The following TNFSF4 variants were observed in gnomAD, a reference collection of about 807,000 sequenced individuals.
TNFSF4 encodes the protein TNF superfamily member 4.
A neutral mutation model predicts 7.3 loss-of-function variants in TNFSF4; 4 were observed. The ratio of observed to expected loss-of-function variants is 0.55; its 90% CI spans 0.27 to 1.25. The LOEUF is 1.25. Ranked by LOEUF, TNFSF4 falls within the 50% of genes most tolerant of loss-of-function variation. The pLI is 0.12. For missense variants in TNFSF4, 181 were observed against 208.8 expected (o/e 0.87, Z 0.82); for synonymous variants, 76 against 83.7 (o/e 0.91, Z 0.50).
At chr1:173,209,652 G>A (rs550843081), upstream of TNFSF4, among the ~76,000 whole-genome samples, 20 of 152,020 alleles carry the variant, frequency 1.3e-4, no homozygotes, top group Admixed American at 8.5e-4. Context: ...CTATAGACAC[G>A]CAACACCAGG....
chr1:173,213,002 G>C, the TNFSF4 span, among the ~76,000 whole-genome samples: 1 of 152,104 alleles, frequency 6.6e-6, no homozygotes, highest in African/African-American at 2.4e-5. Flanking sequence ...GCCTGCAATA[G>C]AGCTGAAACA....
At chr1:173,195,072 ATATT>A (rs1649643939) in intron 1 of TNFSF4, among the ~76,000 whole-genome samples, 2 of 152,140 alleles carry the variant, frequency 1.3e-5, no homozygotes, top group South Asian at 4.1e-4. Flanking sequence ...TCGGGAATAA[ATATT>A]TATTCATTTG....
chr1:173,199,639 T>C (rs1221611458), intron 1 of TNFSF4, among the ~76,000 whole-genome samples: 1 of 152,212 alleles, frequency 6.6e-6, no homozygotes, highest in Non-Finnish European at 1.5e-5. Context: ...ATTTCTATTC[T>C]CCGGTACTGT....
the TNFSF4 span, among the ~76,000 whole-genome samples, chr1:173,442,490 A>C: frequency 6.6e-6 from 1 of 151,788 alleles, no homozygotes; most frequent in African/African-American, 2.4e-5. Flanking sequence ...TGAGAAATCT[A>C]ATCCACTCGG....
the TNFSF4 span, among the ~76,000 whole-genome samples, chr1:173,226,780 C>T: frequency 6.6e-6 from 1 of 152,172 alleles, no homozygotes; most frequent in Admixed American, 6.5e-5. Flanking sequence ...TTTTCAAAAG[C>T]TTTAAGTGCA....
the TNFSF4 span, among the ~76,000 whole-genome samples, chr1:173,333,324 GAA>G: frequency 6.6e-6 from 1 of 151,538 alleles, no homozygotes; most frequent in Non-Finnish European, 1.5e-5. Flanking sequence ...CTGAAGGCCT[GAA>G]AAAAAAACAT....
the TNFSF4 span, among the ~76,000 whole-genome samples, chr1:173,285,596 C>CACTGCCACCACAACATTCAGCA: frequency 6.6e-6 from 1 of 152,114 alleles, no homozygotes; most frequent in Admixed American, 6.6e-5. Flanking sequence ...AAGAAATTGC[C>CACTGCCACCACAACATTCAGCA]ACTGCCACCA....
the TNFSF4 span, among the ~76,000 whole-genome samples, chr1:173,341,140 C>T: frequency 6.6e-6 from 1 of 152,190 alleles, no homozygotes; most frequent in Non-Finnish European, 1.5e-5. Context: ...CCTCCCCAGC[C>T]ATGCTGTACT....
At chr1:173,338,038 G>C in the TNFSF4 span, among the ~76,000 whole-genome samples, 3 of 152,128 alleles carry the variant, frequency 2.0e-5, no homozygotes, top group Admixed American at 6.6e-5. Flanking sequence ...GGCAGGGATG[G>C]AAGTTATGCA....
chr1:173,426,695 A>G, the TNFSF4 span, among the ~76,000 whole-genome samples: 1 of 152,086 alleles, frequency 6.6e-6, no homozygotes, highest in Admixed American at 6.5e-5. Context: ...CCCGGGCTCA[A>G]GCAATTCTCC....
the TNFSF4 span, among the ~76,000 whole-genome samples, chr1:173,373,696 T>C: frequency 7.2e-4 from 110 of 152,258 alleles, no homozygotes; most frequent in Middle Eastern, 6.8e-3. Flanking sequence ...GAACAAAGAA[T>C]AGGGCACTAT....
chr1:173,201,236 C>A (rs1571200648), intron 1 of TNFSF4, among the ~76,000 whole-genome samples: 1 of 152,152 alleles, frequency 6.6e-6, no homozygotes, highest in African/African-American at 2.4e-5. Context: ...CTCATAAATT[C>A]TCCCCTTCAT....
the TNFSF4 span, among the ~76,000 whole-genome samples, chr1:173,238,268 C>A: frequency 6.6e-6 from 1 of 152,070 alleles, no homozygotes; most frequent in African/African-American, 2.4e-5. Flanking sequence ...AATTAAAGAC[C>A]TAAATGCAAA....
chr1:173,222,087 G>A, the TNFSF4 span, among the ~76,000 whole-genome samples: 1 of 152,074 alleles, frequency 6.6e-6, no homozygotes, highest in Non-Finnish European at 1.5e-5. Context: ...TATAATCCTG[G>A]ATTTACTCCA....
the TNFSF4 span, among the ~76,000 whole-genome samples, chr1:173,253,377 A>T: frequency 7.2e-5 from 11 of 152,338 alleles, no homozygotes; most frequent in East Asian, 1.3e-3. Flanking sequence ...GAGGAACAGG[A>T]TCCATAGTAG....
At chr1:173,328,349 T>A in the TNFSF4 span, among the ~76,000 whole-genome samples, 9 of 110,270 alleles carry the variant, frequency 8.2e-5, no homozygotes, top group Non-Finnish European at 1.4e-4. Context: ...CACTGGGGAC[T>A]GTTGTGGGGT....
the TNFSF4 span, among the ~76,000 whole-genome samples, chr1:173,409,501 A>G: frequency 6.6e-6 from 1 of 152,202 alleles, no homozygotes; most frequent in Non-Finnish European, 1.5e-5. Context: ...TTCCTCTCCA[A>G]CAGTTCAGAA....
the TNFSF4 span, among the ~76,000 whole-genome samples, chr1:173,275,983 A>G: frequency 6.6e-6 from 1 of 152,174 alleles, no homozygotes; most frequent in South Asian, 2.1e-4. Flanking sequence ...CAATAAAAGC[A>G]TCTTAACTGG....
At chr1:173,404,331 C>T in the TNFSF4 span, among the ~76,000 whole-genome samples, 4 of 152,166 alleles carry the variant, frequency 2.6e-5, no homozygotes, top group African/African-American at 7.2e-5. Flanking sequence ...ACTAAGTTAT[C>T]AGGACCCCCA....
Sources: gnomAD v4.1 joint callset for allele counts (sites outside exome capture counted in the v4.1 genomes callset) on GRCh38, gnomAD v4.1.1 for gene constraint, MANE v1.5 for transcripts, NCBI Gene and HGNC (gene_info 2026-07-23, HGNC 2026-07-21) for gene names.